The following PVRIG variants were observed in gnomAD, a reference collection of about 807,000 sequenced individuals.
PVRIG encodes the protein PVR related immunoglobulin domain containing.
A neutral mutation model predicts 21.9 loss-of-function variants in PVRIG; 16 were observed. The ratio of observed to expected loss-of-function variants is 0.73; its 90% CI spans 0.50 to 1.11. The LOEUF (loss-of-function observed/expected upper bound fraction) is 1.11. Among genes scored for constraint, PVRIG ranks in the 50% most tolerant of loss-of-function variants. The pLI is 0.00. For synonymous variants in PVRIG, 190 were observed against 181.0 expected, an observed-to-expected ratio of 1.05 and a Z score of -0.40; for missense variants, 435 against 445.7, an observed-to-expected ratio of 0.98 and a Z score of 0.22.
Position 100,221,069 on chromosome 7 carries a change from C to T in PVRIG, c.799C>T (p.Arg267Trp), listed in dbSNP as rs374498791. The change falls in exon 6 of 6, where the codon CGG becomes TGG. Residue 267 changes from arginine (R) to tryptophan (W), a missense_variant. Coordinates refer to ENST00000317271, the Ensembl canonical transcript of PVRIG. ...GTCACTCCCCACCCACGCTGCACAC[C>T]GGCCCCAGGGCCCTGCCGCCTGGGC... The T allele has an allele frequency of 7.9e-5, 128 of 1,613,796 alleles. No homozygotes were observed. Among genetic ancestry groups the T allele is most frequent in the African/African-American group, 6.0e-4 (45 of 74,938 alleles).
rs201723703 is a variant in PVRIG, at chr7:100,219,980, C to T, written c.70C>T (p.Arg24Trp). The T allele has an allele frequency of 5.7e-5, 91 of 1,589,240 alleles. No individual in the cohort carries two copies. Among genetic ancestry groups the T allele is most frequent in the Non-Finnish European group, 7.6e-5 (89 of 1,168,812 alleles). ...TGGACTGGAGGGGGCCATGGGGCAC[C>T]GGACCCTGGTCCTGCCCTGGGTGCT... The change falls in exon 2 of 6, where the codon CGG becomes TGG. Residue 24 changes from arginine to tryptophan, a missense_variant. By Grantham distance (101) the Arg-to-Trp change is moderately radical. Coordinates refer to ENST00000317271, the Ensembl canonical transcript of PVRIG.
At chr7:100,221,134 T>A (rs1371589075) in exon 6 of PVRIG, 1 of 1,613,776 alleles carries the variant, frequency 6.2e-7, no homozygotes, top group Admixed American at 1.7e-5. Context: ...TTGTCTCTGT[T>A]GAGAATGGAC....
At position 100,220,045 on chromosome 7, in the gene PVRIG, G is replaced by A. The variant is rs1181089351; in HGVS notation, c.118+17G>A. The A allele has an allele frequency of 1.2e-6, 2 of 1,604,876 alleles. No individual in the cohort carries two copies. The highest frequency in any genetic ancestry group is 1.9e-4 in the Middle Eastern group (1 of 5,220). On this transcript the variant is annotated intron_variant, in intron 2 of 5. Transcript: ENST00000317271. ...TCACTGCGGGTGAGTGCCGGCACCA[G>A]AGAGGGGCAGGGGCTGCAGGGAGGG...
At position 100,221,381 on chromosome 7, in the gene PVRIG, CT is replaced by C. The variant is rs1563029501; in HGVS notation, c.*131del. ...CAGGCCCACCTGCTGCGGATGTGGT[CT>C]CTGTGTGTGCGTGTGTGGGCACAGG... On this transcript the variant is annotated 3_prime_UTR_variant, in exon 6 of 6. Transcript: ENST00000317271. The C allele has an allele frequency of 4.3e-6, 3 of 696,562 alleles. No homozygotes were observed. In the African/African-American group the frequency reaches 5.4e-5, roughly 13 times the overall value. The allele number at this position is 696,562 out of a possible 1,614,324, so 43.1% of individuals were successfully genotyped here.
rs769871559 is a variant in PVRIG at position 100,220,095 on chromosome 7, C to T, written c.119-19C>T. On this transcript the variant is annotated intron_variant, in intron 2 of 5. Transcript: ENST00000317271. Reference sequence around the variant, plus strand: ...GTGATGTAGGACAACAGCCCACCGACCTTGCTGCTGTTCCACAGGGACCCC... The same window carrying T: ...GTGATGTAGGACAACAGCCCACCGATCTTGCTGCTGTTCCACAGGGACCCC... 2.5e-6 allele frequency: 4 copies of T among 1,602,532 alleles called. No individual in the cohort carries two copies. Among genetic ancestry groups the T allele is most frequent in the East Asian group, 2.2e-5 (1 of 44,472 alleles).
At chr7:100,219,869 G>T in exon 2 of PVRIG, 1 of 1,465,002 alleles carries the variant, frequency 6.8e-7, no homozygotes, top group Non-Finnish European at 9.3e-7. Context: ...AGGAGAGAAG[G>T]AAGTGGCTGT....
chr7:100,221,326 C>T (rs1803242115), exon 6 of PVRIG: 2 of 1,253,180 alleles, frequency 1.6e-6, no homozygotes, highest in Non-Finnish European at 2.2e-6. Flanking sequence ...AATTCTTGGG[C>T]CTCCAATAAG....
chr7:100,220,708 C>A (rs766656154), intron 4 of PVRIG, 35 bp downstream of exon 3: 5 of 1,608,790 alleles, frequency 3.1e-6, no homozygotes, highest in Non-Finnish European at 3.4e-6. Context: ...CCCCCTGACA[C>A]TGGGATGGCC....
chr7:100,220,403 T>A (rs750430655), exon 3 of PVRIG: 47 of 1,595,014 alleles, frequency 2.9e-5, no homozygotes, highest in Non-Finnish European at 3.6e-5. Context: ...GCTGCAAGTT[T>A]GCGTCCTTCC....
chr7:100,220,481 G>A lies in PVRIG; in HGVS notation c.469+17G>A. ...CAGACCCAGGTGGGGCCGGGGCGAG[G>A]GGTCCAGGAGGGCAGGGAGGGGCTC... On this transcript the variant is annotated intron_variant, in intron 3 of 5. Coordinates refer to ENST00000317271, the Ensembl canonical transcript of PVRIG. 1 of 1,611,734 alleles carries A rather than the reference G, an allele frequency of 6.2e-7. No homozygotes were observed. The highest frequency in any genetic ancestry group is 1.1e-5 in the South Asian group (1 of 91,000).
chr7:100,220,445 C>A, exon 3 of PVRIG: 1 of 1,609,508 alleles, frequency 6.2e-7, no homozygotes, highest in Admixed American at 1.7e-5. Context: ...GTGGGAGCCT[C>A]CCGCCCAGCT....
chr7:100,220,611 C>T (rs770168671), exon 4 of PVRIG: 21 of 1,611,748 alleles, frequency 1.3e-5, no homozygotes, highest in Non-Finnish European at 1.8e-5. Context: ...TCTTGGGGGT[C>T]TCAGGAGTCC....
At position 100,220,237 on chromosome 7, in the gene PVRIG, A is replaced by G. The variant is rs566993762; in HGVS notation, c.242A>G (p.Asn81Ser). The G allele has an allele frequency of 1.3e-5, 21 of 1,579,496 alleles. No homozygotes were observed. The East Asian group carries it at 4.2e-4, about 31-fold the overall frequency. ...GTGACTGTGAGCTGGGGGGGCCCCA[A>G]CGGTGCTGGGGGGACCACGCTGGCT... The change falls in exon 3 of 6, where the codon AAC becomes AGC. Residue 81 changes from asparagine to serine, a missense_variant. Coordinates refer to ENST00000317271, the Ensembl canonical transcript of PVRIG.
rs1241890351 is a variant in PVRIG at position 100,219,963 on chromosome 7, AG to A, written c.58del (p.Ala20ProfsTer14). ...CTGCAGCCCCCAGAACCTGGACTGG[AG>A]GGGGCCATGGGGCACCGGACCCTGG... is the stretch of plus-strand genomic sequence containing the variant. On this transcript the variant is annotated frameshift_variant, in exon 2 of 6. Transcript: ENST00000317271. LOFTEE classifies it high-confidence loss of function. 2 of 1,573,736 alleles carry A rather than the reference AG, an allele frequency of 1.3e-6. No homozygotes were observed. Among genetic ancestry groups the A allele is most frequent in the Non-Finnish European group, 1.7e-6 (2 of 1,160,110 alleles).
At chr7:100,220,064 G>A in intron 2 of PVRIG, 36 bp downstream of exon 1, 1 of 1,604,666 alleles carries the variant, frequency 6.2e-7, no homozygotes, top group Non-Finnish European at 8.5e-7. Flanking sequence ...AGGGGCTGCA[G>A]GGAGGGTGAT....
At chr7:100,219,400 G>A (rs1202291400) in exon 1 of PVRIG, 1 of 168,548 alleles carries the variant, frequency 5.9e-6, no homozygotes, top group Non-Finnish European at 1.3e-5. Context: ...CCCAGTATGG[G>A]GTGCGTTCAG....
exon 6 of PVRIG, chr7:100,221,418 T>A: frequency 1.9e-6 from 1 of 522,266 alleles, no homozygotes; most frequent in Non-Finnish European, 3.3e-6. Flanking sequence ...TGTGAGTGTG[T>A]GAGTGACAGT....
At chr7:100,220,083 A>G in intron 2 of PVRIG, 31 bp from the exon 2 acceptor site, 3 of 1,602,984 alleles carry the variant, frequency 1.9e-6, no homozygotes, top group Non-Finnish European at 2.6e-6. Flanking sequence ...ATGTAGGACA[A>G]CAGCCCACCG....
rs1374607635 is a variant in PVRIG, at chr7:100,220,031, G to A, written c.118+3G>A. ...GCTGACCTTGTGTGTCACTGCGGGTGAGTGCCGGCACCAGAGAGGGGCAGG... is the reference window on the plus strand; with the variant it reads ...GCTGACCTTGTGTGTCACTGCGGGTAAGTGCCGGCACCAGAGAGGGGCAGG... On this transcript the variant is annotated splice_donor_region_variant and intron_variant, in intron 2 of 5. Coordinates refer to ENST00000317271, the Ensembl canonical transcript of PVRIG. 1 of 1,605,222 alleles carries A rather than the reference G, an allele frequency of 6.2e-7. No homozygotes were observed. Among genetic ancestry groups the A allele is most frequent in the Non-Finnish European group, 8.5e-7 (1 of 1,176,524 alleles).
Sources: gnomAD v4.1 joint callset for allele counts on GRCh38, gnomAD v4.1.1 for gene constraint, MANE v1.5 for transcripts, NCBI Gene and HGNC (gene_info 2026-07-23, HGNC 2026-07-21) for gene names.